The following CAST variants were observed in gnomAD, a reference collection of about 807,000 sequenced individuals.
The protein encoded by CAST is calpastatin.
CAST carries 76 observed loss-of-function variants against 119.6 expected under a neutral mutation model. The observed-to-expected ratio is 0.64, with a 90% CI of 0.53 to 0.77. The LOEUF (loss-of-function observed/expected upper bound fraction) is 0.77, where lower values mean the gene tolerates loss of function less well. Among genes scored for constraint, CAST ranks in the 30% least tolerant of loss-of-function variants. The pLI, the probability that CAST is intolerant of heterozygous loss-of-function variation, is 0.00. For synonymous variants in CAST, 319 were observed against 331.6 expected (o/e 0.96, Z 0.41); for missense variants, 953 against 946.5 (o/e 1.01, Z -0.09).
At chr5:96,110,891 T>G in the CAST span, 1 of 152,248 alleles carries the variant, frequency 6.6e-6, no homozygotes, top group South Asian at 2.1e-4. Flanking sequence ...AAACAGTTTC[T>G]CTGCTCACAA....
chr5:96,041,276 T>C, the CAST span, among the ~76,000 whole-genome samples: 1 of 152,146 alleles, frequency 6.6e-6, no homozygotes, highest in Admixed American at 6.6e-5. Context: ...AATGACCCTT[T>C]ATTTTTATGG....
the CAST span, among the ~76,000 whole-genome samples, chr5:96,263,799 A>T: frequency 6.6e-6 from 1 of 152,222 alleles, no homozygotes; most frequent in Non-Finnish European, 1.5e-5. Context: ...ACTTACAATC[A>T]TGGTGGAAGC....
chr5:96,468,376 C>T, the CAST span, among the ~76,000 whole-genome samples: 15 of 152,068 alleles, frequency 9.9e-5, no homozygotes, highest in East Asian at 1.9e-4. Flanking sequence ...TCCAAAGCTA[C>T]GGAAATTTTT....
chr5:96,729,457 A>C, intron 7 of CAST, 155 bp from the exon 8 acceptor site: 1 of 618,864 alleles, frequency 1.6e-6, no homozygotes, highest in Non-Finnish European at 2.9e-6. Flanking sequence ...TGTACATCAC[A>C]CTAATTGAAA....
At chr5:96,270,333 A>G in the CAST span, among the ~76,000 whole-genome samples, 1 of 152,168 alleles carries the variant, frequency 6.6e-6, no homozygotes, top group Non-Finnish European at 1.5e-5. Flanking sequence ...ATCTGGAACA[A>G]GACAAGGATG....
intron 1 of CAST, among the ~76,000 whole-genome samples, chr5:96,543,352 G>A (rs922170329): frequency 6.6e-6 from 1 of 152,052 alleles, no homozygotes. Context: ...TGGACACAGG[G>A]AGGGGAACAT....
rs542986307 is a variant in CAST at position 96,617,633 on chromosome 5, C to CA, written c.61-57897dup. On this transcript the variant is annotated intron_variant, in intron 1 of 11. Coordinates refer to the CAST transcript ENST00000505143. The stretch of plus-strand genomic sequence containing the variant: ...TGAAACCCCGTCTCTACTAAAAATA[C>CA]AAAAAAAAATTAGCCAGGCATGGTG... Among the ~76,000 whole-genome samples, 837 of 149,306 alleles carry CA rather than the reference C, an allele frequency of 5.6e-3. 3 individuals are homozygous for CA. The highest frequency in any genetic ancestry group is 0.019 in the African/African-American group (791 of 40,742).
chr5:96,331,262 T>G, the CAST span, among the ~76,000 whole-genome samples: 2 of 152,200 alleles, frequency 1.3e-5, no homozygotes, highest in African/African-American at 4.8e-5. Context: ...TTCTCCTTTA[T>G]CTTTCCTTAA....
chr5:95,996,494 C>T, the CAST span, among the ~76,000 whole-genome samples: 14 of 152,124 alleles, frequency 9.2e-5, no homozygotes, highest in African/African-American at 3.4e-4. Flanking sequence ...AATCTAGAAG[C>T]TTGTGTGTGT....
intron 4 of CAST, among the ~76,000 whole-genome samples, chr5:96,725,652 A>C (rs1298696844): frequency 6.6e-6 from 1 of 152,240 alleles, no homozygotes; most frequent in Non-Finnish European, 1.5e-5. Context: ...ACTGATTTAA[A>C]TATAGATTGC....
chr5:96,060,282 T>C, the CAST span, among the ~76,000 whole-genome samples: 10 of 152,148 alleles, frequency 6.6e-5, no homozygotes, highest in African/African-American at 2.2e-4. Flanking sequence ...TACGTCATCT[T>C]TGTCCTCTAT....
At chr5:96,155,872 G>T in the CAST span, among the ~76,000 whole-genome samples, 4 of 152,132 alleles carry the variant, frequency 2.6e-5, no homozygotes, top group African/African-American at 9.7e-5. Flanking sequence ...CACAGTCTAT[G>T]CCCTAGAGCT....
chr5:96,007,041 C>G, the CAST span, among the ~76,000 whole-genome samples: 1 of 152,134 alleles, frequency 6.6e-6, no homozygotes. Context: ...TCTTGTGCTT[C>G]CAGCTTCCCT....
At chr5:96,618,271 A>C (rs1168011588) in intron 1 of CAST, among the ~76,000 whole-genome samples, 1 of 152,198 alleles carries the variant, frequency 6.6e-6, no homozygotes, top group Non-Finnish European at 1.5e-5. Flanking sequence ...AAGATAATGT[A>C]ACAGAGCTTT....
chr5:96,180,410 A>G, the CAST span, among the ~76,000 whole-genome samples: 2 of 152,232 alleles, frequency 1.3e-5, no homozygotes, highest in Non-Finnish European at 2.9e-5. Context: ...TATTGTAAGC[A>G]TATCTCTGGG....
At chr5:96,250,767 T>G in the CAST span, among the ~76,000 whole-genome samples, 2 of 152,132 alleles carry the variant, frequency 1.3e-5, no homozygotes, top group African/African-American at 4.8e-5. Context: ...GCTTCTCTAC[T>G]TTAGCAATAG....
chr5:96,267,146 G>A, the CAST span, among the ~76,000 whole-genome samples: 1 of 152,050 alleles, frequency 6.6e-6, no homozygotes, highest in African/African-American at 2.4e-5. Context: ...AAAAAAGAAT[G>A]CAAAGGAATG....
the CAST span, among the ~76,000 whole-genome samples, chr5:96,070,069 A>T: frequency 1.3e-5 from 2 of 152,160 alleles, no homozygotes; most frequent in African/African-American, 4.8e-5. Context: ...TCCTTAGGGA[A>T]GGTCAGCCTT....
the CAST span, among the ~76,000 whole-genome samples, chr5:96,362,494 T>G: frequency 2.6e-4 from 39 of 152,332 alleles, 1 homozygote; most frequent in Middle Eastern, 6.8e-3. Context: ...CTCCAGCACC[T>G]GTTGTTTCCT....
Sources: allele counts gnomAD v4.1 joint callset (sites outside exome capture counted in the v4.1 genomes callset), GRCh38; gene constraint gnomAD v4.1.1; transcripts MANE v1.5; gene names NCBI Gene and HGNC (gene_info 2026-07-23, HGNC 2026-07-21).